DNAH8: variants seen among roughly 807,000 people sequenced by gnomAD.
DNAH8 encodes axonemal beta dynein heavy chain 8.
A neutral mutation model predicts 562.1 loss-of-function variants in DNAH8; 382 were observed. The observed-to-expected ratio is 0.68, with a 90% CI of 0.63 to 0.74. The LOEUF (loss-of-function observed/expected upper bound fraction) is 0.74, where lower values mean the gene tolerates loss of function less well. DNAH8 is among the 30% of genes least tolerant of loss of function. The pLI is 0.00. For synonymous variants in DNAH8, 1,881 were observed against 1,919.4 expected (o/e 0.98, Z 0.52); for missense variants, 5,203 against 5,620.4 (o/e 0.93, Z 2.37).
At position 38,857,734 on chromosome 6, in the gene DNAH8, G is replaced by A; in HGVS notation, c.5950G>A (p.Asp1984Asn). 1 of 1,602,656 alleles carries A rather than the reference G, an allele frequency of 6.2e-7. No individual in the cohort carries two copies. The highest frequency in any genetic ancestry group is 8.5e-7 in the Non-Finnish European group (1 of 1,171,890). The change falls in exon 42 of 93, where the codon GAT becomes AAT. Residue 1984 changes from aspartate to asparagine, a missense_variant. Around this residue, in one of 6 missense-constraint regions of DNAH8, gnomAD observed 2,176 missense variants for 2,365.1 expected, o/e 0.92. Coordinates refer to ENST00000327475, the MANE Select transcript of DNAH8 (RefSeq NM_001206927.2). ...CCATGTGCATCAGAGAGATATTTTTGATGACTTGGTAAGGTATCTTTTTTT... is the reference window on the plus strand; with the variant it reads ...CCATGTGCATCAGAGAGATATTTTTAATGACTTGGTAAGGTATCTTTTTTT... ...TIHVHQRDIF[D>N]DLVKMHIKSP... is the part of the protein sequence containing the mutation.
chr6:39,017,047 G>A (rs1453057945), intron 91 of DNAH8, among the ~76,000 whole-genome samples: 1 of 152,218 alleles, frequency 6.6e-6, no homozygotes, highest in East Asian at 1.9e-4. Flanking sequence ...TAGACTGGAT[G>A]ATTAAAATAG....
At chr6:39,028,696 C>G (rs1294711122) in intron 92 of DNAH8, among the ~76,000 whole-genome samples, 1 of 152,194 alleles carries the variant, frequency 6.6e-6, no homozygotes, top group Non-Finnish European at 1.5e-5. Context: ...TTTTAAAGTT[C>G]TGAGGCTGAA....
chr6:38,938,069 A>G lies in DNAH8; in HGVS notation c.11659A>G (p.Thr3887Ala), dbSNP rs1227842963. The change falls in exon 78 of 93, where the codon ACT (threonine) becomes GCT (alanine). Residue 3887 changes from threonine (T) to alanine (A), a missense_variant. Coordinates refer to ENST00000327475, the MANE Select transcript of DNAH8 (RefSeq NM_001206927.2). ...VSEKLHVAAE[T>A]EIKINAAQEE... is the part of the protein sequence containing the mutation. Reference sequence around the variant, plus strand: ...TGAAAAGTTGCATGTGGCTGCAGAAACTGAGATCAAGATCAACGCGGCTCA... The same window carrying G: ...TGAAAAGTTGCATGTGGCTGCAGAAGCTGAGATCAAGATCAACGCGGCTCA... 1.9e-6 allele frequency: 3 copies of G among 1,614,060 alleles called. No individual in the cohort carries two copies. The highest frequency in any genetic ancestry group is 1.7e-6 in the Non-Finnish European group (2 of 1,180,022).
chr6:38,887,575 C>A (rs985846832), intron 57 of DNAH8, among the ~76,000 whole-genome samples: 15 of 152,066 alleles, frequency 9.9e-5, no homozygotes, highest in African/African-American at 3.4e-4. Context: ...GGCATGGTGG[C>A]ACACGTCTGT....
At position 38,971,601 on chromosome 6, in the gene DNAH8, C is replaced by A; in HGVS notation, c.12461C>A (p.Thr4154Asn). The A allele has an allele frequency of 1.9e-6, 3 of 1,583,870 alleles. No homozygotes were observed. The highest frequency in any genetic ancestry group is 1.7e-6 in the Non-Finnish European group (2 of 1,166,340). ...LAKKLKLECR[T>N]ISMGQGQEVH... Reference sequence around the variant, plus strand: ...TTCTCCTATGTTACAGAATGTAGAACTATCTCAATGGGGCAAGGACAAGAA... The same window carrying A: ...TTCTCCTATGTTACAGAATGTAGAAATATCTCAATGGGGCAAGGACAAGAA... Residue 4154 changes from threonine to asparagine, a missense_variant, in exon 83 of 93, where the codon ACT (threonine) becomes AAT (asparagine). This residue lies in a region of DNAH8 where 1,399 missense variants were observed against 1,518.4 expected (regional missense o/e 0.92). Coordinates refer to ENST00000327475, the MANE Select transcript of DNAH8 (RefSeq NM_001206927.2).
chr6:38,870,276 G>A (rs1777367647), intron 48 of DNAH8, 125 bp from the exon 49 acceptor site: 1 of 817,410 alleles, frequency 1.2e-6, no homozygotes, highest in East Asian at 2.6e-5. Flanking sequence ...GAGAATACAA[G>A]CCTGATTAGG....
intron 11 of DNAH8, among the ~76,000 whole-genome samples, chr6:38,766,695 A>C (rs1738174): frequency 0.25 from 38,506 of 151,800 alleles, 5,434 homozygotes; most frequent in East Asian, 0.46. Flanking sequence ...AACCCCAAAA[A>C]GTAATTCACA....
chr6:38,898,291 C>T lies in DNAH8; in HGVS notation c.8974C>T (p.Gln2992Ter). The T allele has an allele frequency of 1.3e-6, 2 of 1,590,136 alleles. No individual in the cohort carries two copies. The highest frequency in any genetic ancestry group is 1.7e-6 in the Non-Finnish European group (2 of 1,172,658). Residue 2992 changes from glutamine to a stop codon, truncating the protein, a stop_gained, in exon 61 of 93, where the codon CAG becomes TAG. Coordinates refer to ENST00000327475, the MANE Select transcript of DNAH8 (RefSeq NM_001206927.2). LOFTEE classifies it high-confidence loss of function. ...CTTTGACTTTCTGGCTGAAAAACTC[C>T]AGTTTTACCAGAGACAGTTCAATGA... is the stretch of plus-strand genomic sequence containing the variant. ...PSFDFLAEKL[Q>*]FYQRQFNEII...
chr6:39,016,951 GT>G (rs1213429772), intron 91 of DNAH8, among the ~76,000 whole-genome samples: 1 of 152,212 alleles, frequency 6.6e-6, no homozygotes, highest in Non-Finnish European at 1.5e-5. Context: ...AAGAGGCTGA[GT>G]CAGCCACCGT....
intron 85 of DNAH8, among the ~76,000 whole-genome samples, chr6:38,977,334 C>A (rs1192247862): frequency 3.9e-5 from 6 of 152,170 alleles, no homozygotes; most frequent in Admixed American, 3.9e-4. Flanking sequence ...CCACACAGAG[C>A]AGTAGCAGCT....
chr6:38,750,424 C>A (rs1274850946), intron 8 of DNAH8, 52 bp from the exon 9 acceptor site: 2 of 1,219,144 alleles, frequency 1.6e-6, no homozygotes, highest in Non-Finnish European at 2.4e-6. Flanking sequence ...TAAACTTTAG[C>A]ACACTGATAT....
intron 88 of DNAH8, among the ~76,000 whole-genome samples, chr6:39,004,448 A>T (rs1765675469): frequency 6.6e-6 from 1 of 152,192 alleles, no homozygotes; most frequent in African/African-American, 2.4e-5. Flanking sequence ...CCTCCTTTCT[A>T]AAGTATACTC....
intron 15 of DNAH8, 124 bp from the exon 16 acceptor site, chr6:38,781,130 T>C (rs2127639420): frequency 1.0e-6 from 1 of 976,848 alleles, no homozygotes; most frequent in East Asian, 2.6e-5. Context: ...ATTTACATAT[T>C]TATTGACTAC....
At chr6:38,948,630 T>C (rs760737228) in intron 80 of DNAH8, among the ~76,000 whole-genome samples, 3 of 152,226 alleles carry the variant, frequency 2.0e-5, no homozygotes, top group Non-Finnish European at 4.4e-5. Flanking sequence ...CACTGTGTAC[T>C]GTGGCTTTTT....
At chr6:38,886,570 T>C (rs1318706081) in intron 56 of DNAH8, among the ~76,000 whole-genome samples, 2 of 152,218 alleles carry the variant, frequency 1.3e-5, no homozygotes, top group Non-Finnish European at 2.9e-5. Context: ...ATCAATGTGG[T>C]GAAAGGCACC....
intron 86 of DNAH8, among the ~76,000 whole-genome samples, chr6:38,983,350 T>A (rs1764166560): frequency 1.3e-5 from 2 of 152,238 alleles, no homozygotes; most frequent in South Asian, 4.1e-4. Context: ...CGTAATGGGG[T>A]GGTAAGCCAT....
rs150051177 is a variant in DNAH8 at position 38,925,110 on chromosome 6, T to C, written c.10963-945T>C. 576 of 152,256 alleles carry C rather than the reference T, an allele frequency of 3.8e-3. 4 individuals carry two copies. The highest frequency in any genetic ancestry group is 0.013 in the African/African-American group (547 of 41,558). 9.4% of individuals were successfully genotyped at this position (152,256 alleles called of 1,614,324 possible). On this transcript the variant is annotated intron_variant, in intron 73 of 92. Transcript: ENST00000327475. ...TCTGTATTTAAAAGTTAAAAACTAA[T>C]CTTTTCCAATTCGAACATTGTTGAA...
rs764580800 is a variant in DNAH8 at position 38,822,883 on chromosome 6, A to G, written c.3569A>G (p.Tyr1190Cys). The change falls in exon 27 of 93, where the codon TAC becomes TGC. Residue 1190 changes from tyrosine (Y) to cysteine (C), a missense_variant. Transcript: ENST00000327475. ...AIPARKLKNF[Y>C]PGVAEHKDIS... The stretch of plus-strand genomic sequence containing the variant: ...CCTGCGAGGAAGCTGAAGAATTTTT[A>G]CCCGGGGGTAGCGGAGCACAAGGAT... The G allele has an allele frequency of 6.2e-7, 1 of 1,604,592 alleles. No individual in the cohort carries two copies. The highest frequency in any genetic ancestry group is 8.5e-7 in the Non-Finnish European group (1 of 1,177,612).
At chr6:38,884,296 G>A (rs551250872) in intron 56 of DNAH8, among the ~76,000 whole-genome samples, 2 of 151,882 alleles carry the variant, frequency 1.3e-5, no homozygotes, top group African/African-American at 2.4e-5. Flanking sequence ...CCATTAACTC[G>A]TCATTTAACA....
Sources: gnomAD v4.1 joint callset for allele counts (sites outside exome capture counted in the v4.1 genomes callset) on GRCh38, gnomAD v4.1.1 for gene constraint, gnomAD v4.1.1 regional missense constraint, MANE v1.5 for transcripts, NCBI Gene and HGNC (gene_info 2026-07-23, HGNC 2026-07-21) for gene names.